Variants in CPNE8 observed in about 807,000 individuals in gnomAD.
The protein encoded by CPNE8 is copine-8.
CPNE8 carries 45 observed loss-of-function variants against 81.5 expected under a neutral mutation model. The observed-to-expected ratio is 0.55, with a 90% CI of 0.44 to 0.71. The LOEUF (loss-of-function observed/expected upper bound fraction) is 0.71, where lower values mean the gene tolerates loss of function less well. CPNE8 is among the 30% of genes least tolerant of loss of function. The pLI, the probability that CPNE8 is intolerant of heterozygous loss-of-function variation, is 0.00. For synonymous variants in CPNE8, 252 were observed against 226.3 expected (o/e 1.11, Z -1.02); for missense variants, 594 against 672.1 (o/e 0.88, Z 1.28).
intron 6 of CPNE8, among the ~76,000 whole-genome samples, chr12:38,799,929 G>A (rs576912809): frequency 1.1e-3 from 167 of 151,632 alleles, no homozygotes; most frequent in Middle Eastern, 3.4e-3. Context: ...ACTCCCACCC[G>A]AATATTGCGC....
At position 38,679,533 on chromosome 12, in the gene CPNE8, T is replaced by C; in HGVS notation, c.1272-1979A>G. 6 of 958,780 alleles carry C rather than the reference T, an allele frequency of 6.3e-6. No homozygotes were observed. In the South Asian group the frequency reaches 2.9e-4, roughly 46 times the overall value. 59.4% of individuals were successfully genotyped at this position (958,780 alleles called of 1,614,324 possible). ...TAGAAAGTTGCATGAGTTTATTGTG[T>C]GACTGTCACTACTGCTAGGCATATG... On this transcript the variant is annotated intron_variant, in intron 16 of 19. Transcript: ENST00000331366.
At chr12:38,751,783 T>C (rs184825219) in intron 10 of CPNE8, among the ~76,000 whole-genome samples, 197 of 152,316 alleles carry the variant, frequency 1.3e-3, no homozygotes, top group Non-Finnish European at 1.2e-3. Context: ...GTCCACCCAC[T>C]TGCCCTCATT....
intron 6 of CPNE8, among the ~76,000 whole-genome samples, chr12:38,781,472 C>T (rs1942051870): frequency 1.3e-5 from 2 of 151,952 alleles, no homozygotes; most frequent in Non-Finnish European, 2.9e-5. Context: ...AAAACTAATT[C>T]TATTGAAAAT....
chr12:38,794,702 C>A (rs374898793), intron 6 of CPNE8, among the ~76,000 whole-genome samples: 29 of 149,140 alleles, frequency 1.9e-4, no homozygotes, highest in African/African-American at 6.6e-4. Context: ...AAAACTGAAA[C>A]CCTTGTGCAC....
intron 1 of CPNE8, among the ~76,000 whole-genome samples, chr12:38,875,766 A>T (rs1046414736): frequency 6.6e-6 from 1 of 152,236 alleles, no homozygotes; most frequent in Non-Finnish European, 1.5e-5. Flanking sequence ...ACATACTCAT[A>T]TTTGGAATTA....
intron 1 of CPNE8, among the ~76,000 whole-genome samples, chr12:38,876,825 A>C (rs1352089234): frequency 7.2e-5 from 11 of 152,224 alleles, no homozygotes; most frequent in Non-Finnish European, 1.5e-5. Flanking sequence ...GGAAAAGGAA[A>C]ATATTCTTAG....
At chr12:38,857,645 G>A (rs1943763971) in intron 3 of CPNE8, among the ~76,000 whole-genome samples, 1 of 152,178 alleles carries the variant, frequency 6.6e-6, no homozygotes, top group East Asian at 1.9e-4. Context: ...AGAGGTAGTG[G>A]CTCACGCCTG....
intron 19 of CPNE8, 142 bp downstream of exon 19, chr12:38,670,587 T>C: frequency 1.8e-6 from 1 of 564,426 alleles, no homozygotes; most frequent in Non-Finnish European, 3.0e-6. Context: ...TCTACCAGAT[T>C]AAAATATATT....
intron 3 of CPNE8, among the ~76,000 whole-genome samples, chr12:38,853,560 T>G (rs1943681335): frequency 6.6e-6 from 1 of 152,064 alleles, no homozygotes; most frequent in African/African-American, 2.4e-5. Flanking sequence ...GTATGAAAAT[T>G]TTCAGTTATT....
At chr12:38,903,794 A>C (rs1374722753) in intron 1 of CPNE8, among the ~76,000 whole-genome samples, 3 of 152,348 alleles carry the variant, frequency 2.0e-5, no homozygotes, top group South Asian at 4.1e-4. Flanking sequence ...AATCCTCTAA[A>C]GAGTTTTCCA....
At chr12:38,829,680 C>T (rs545298723) in intron 5 of CPNE8, among the ~76,000 whole-genome samples, 2 of 152,308 alleles carry the variant, frequency 1.3e-5, no homozygotes, top group African/African-American at 4.8e-5. Flanking sequence ...TCTGAGTTCA[C>T]AGGCATTGCA....
chr12:38,871,427 C>A (rs745456869), intron 3 of CPNE8, among the ~76,000 whole-genome samples: 13 of 152,134 alleles, frequency 8.5e-5, no homozygotes, highest in African/African-American at 2.9e-4. Flanking sequence ...GTCAGTAAGC[C>A]GTTCCACTGT....
intron 5 of CPNE8, among the ~76,000 whole-genome samples, chr12:38,837,605 A>G (rs762286834): frequency 1.3e-5 from 2 of 152,136 alleles, no homozygotes; most frequent in Non-Finnish European, 2.9e-5. Flanking sequence ...GCTTAAAGTG[A>G]CAGATAATGG....
chr12:38,902,509 G>C (rs1052692248), intron 1 of CPNE8, among the ~76,000 whole-genome samples: 2 of 152,260 alleles, frequency 1.3e-5, no homozygotes, highest in South Asian at 2.1e-4. Context: ...TTGAAGTGTG[G>C]GCAAATCCTC....
At chr12:38,655,170 C>A (rs1211738468) in intron 19 of CPNE8, among the ~76,000 whole-genome samples, 1 of 152,102 alleles carries the variant, frequency 6.6e-6, no homozygotes, top group East Asian at 1.9e-4. Flanking sequence ...ATGGCAAAAA[C>A]CGCAATTACT....
At chr12:38,685,796 T>G in intron 15 of CPNE8, 179 bp from the exon 16 acceptor site, 2 of 494,274 alleles carry the variant, frequency 4.0e-6, no homozygotes, top group East Asian at 3.7e-5. Flanking sequence ...AACAATCGAT[T>G]ATGATATATT....
intron 14 of CPNE8, among the ~76,000 whole-genome samples, chr12:38,694,555 GTTA>G (rs1047342379): frequency 2.6e-5 from 4 of 152,196 alleles, no homozygotes; most frequent in African/African-American, 9.7e-5. Flanking sequence ...AACTGCTGCA[GTTA>G]TTATAGTCTG....
intron 19 of CPNE8, among the ~76,000 whole-genome samples, chr12:38,661,458 G>C (rs992820134): frequency 5.3e-5 from 8 of 152,154 alleles, no homozygotes; most frequent in East Asian, 3.9e-4. Flanking sequence ...GGGCCTGTTG[G>C]GGGTGGGGGA....
At chr12:38,819,811 G>C (rs972564023) in intron 6 of CPNE8, among the ~76,000 whole-genome samples, 1 of 144,770 alleles carries the variant, frequency 6.9e-6, no homozygotes, top group East Asian at 2.1e-4. Context: ...ATTCCCAAAT[G>C]TTCCTTCCAA....
Sources: allele counts gnomAD v4.1 joint callset (sites outside exome capture counted in the v4.1 genomes callset), GRCh38; gene constraint gnomAD v4.1.1; transcripts MANE v1.5; gene names NCBI Gene and HGNC (gene_info 2026-07-23, HGNC 2026-07-21).